The following EML4 variants were observed in gnomAD, a reference collection of about 807,000 sequenced individuals.
The protein encoded by EML4 is echinoderm microtubule-associated protein-like 4.
Under a neutral mutation model 129.0 loss-of-function variants are expected in EML4, and 72 were observed. The observed-to-expected ratio is 0.56, with a 90% CI of 0.46 to 0.68. EML4 has a LOEUF of 0.68. Ranked by LOEUF, EML4 falls within the 30% of genes least tolerant of loss-of-function variation. The pLI, the probability that EML4 is intolerant of heterozygous loss-of-function variation, is 0.00. For missense variants in EML4, 1,363 were observed against 1,190.6 expected, an observed-to-expected ratio of 1.14 and a Z score of -2.13; for synonymous variants, 532 against 405.0, an observed-to-expected ratio of 1.31 and a Z score of -3.77.
chr2:42,274,074 G>T (rs1428907385), intron 6 of EML4, among the ~76,000 whole-genome samples: 1 of 152,106 alleles, frequency 6.6e-6, no homozygotes, highest in Non-Finnish European at 1.5e-5. Context: ...TAGCATTTTG[G>T]TTGTCCTTTT....
chr2:42,215,305 A>G (rs1456416884), intron 1 of EML4, among the ~76,000 whole-genome samples: 2 of 152,172 alleles, frequency 1.3e-5, no homozygotes, highest in Non-Finnish European at 2.9e-5. Flanking sequence ...AGCCTGCCTC[A>G]GCCTCCCAAA....
intron 1 of EML4, among the ~76,000 whole-genome samples, chr2:42,226,630 C>T (rs980588659): frequency 6.6e-6 from 1 of 151,790 alleles, no homozygotes; most frequent in Admixed American, 6.6e-5. Flanking sequence ...GCACTCCAGC[C>T]TGGGCAACAG....
intron 2 of EML4, among the ~76,000 whole-genome samples, chr2:42,251,079 TA>T (rs1304477777): frequency 6.6e-6 from 1 of 152,142 alleles, no homozygotes; most frequent in Non-Finnish European, 1.5e-5. Flanking sequence ...TGGTTGTAAA[TA>T]CAGATGAAGC....
At chr2:42,271,412 AT>A (rs34583088) in intron 6 of EML4, among the ~76,000 whole-genome samples, 34,536 of 151,680 alleles carry the variant, frequency 0.23, 4,758 homozygotes, top group East Asian at 0.56. Context: ...TCTGTTGGAG[AT>A]TTTTTTTTAA....
In EML4 at chr2:42,298,098, C is replaced by A. The variant is rs58074013; in HGVS notation, c.1489+2582C>A. Among the ~76,000 whole-genome samples the A allele has an allele frequency of 6.9e-3, 1,051 of 152,244 alleles. 19 individuals are homozygous for A. The highest frequency in any genetic ancestry group is 0.023 in the African/African-American group (962 of 41,528). ...GTGGAAGTTGAGAGTATCTACAGAA[C>A]CATTAAAATGTTCACCATTCTTAAG... is the stretch of plus-strand genomic sequence containing the variant. On this transcript the variant is annotated intron_variant, in intron 13 of 22. Coordinates refer to ENST00000318522, the MANE Select transcript of EML4 (RefSeq NM_019063.5).
At chr2:42,262,331 C>T (rs1665782091) in intron 4 of EML4, among the ~76,000 whole-genome samples, 2 of 152,168 alleles carry the variant, frequency 1.3e-5, no homozygotes, top group Non-Finnish European at 2.9e-5. Flanking sequence ...TGTAGTTTAT[C>T]TGCCTGGTCT....
At chr2:42,240,579 A>G (rs1354528771) in intron 1 of EML4, among the ~76,000 whole-genome samples, 1 of 152,238 alleles carries the variant, frequency 6.6e-6, no homozygotes, top group East Asian at 1.9e-4. Flanking sequence ...TTATGCTCCT[A>G]CTCTGTTATT....
At chr2:42,198,022 G>A (rs1021556195) in intron 1 of EML4, among the ~76,000 whole-genome samples, 3 of 152,098 alleles carry the variant, frequency 2.0e-5, no homozygotes, top group African/African-American at 7.2e-5. Context: ...ATCTTTCTGT[G>A]TGCCCCATTT....
chr2:42,313,936 CAA>C (rs373565249), intron 17 of EML4, among the ~76,000 whole-genome samples: 4 of 114,846 alleles, frequency 3.5e-5, no homozygotes, highest in Admixed American at 1.9e-4. Context: ...GACTCCGTCT[CAA>C]AAAAAAAAAA....
At chr2:42,227,688 G>T (rs560966840) in intron 1 of EML4, among the ~76,000 whole-genome samples, 1 of 151,936 alleles carries the variant, frequency 6.6e-6, no homozygotes, top group East Asian at 1.9e-4. Flanking sequence ...GAACAACCCC[G>T]CCCCCTTCCT....
chr2:42,243,552 T>C (rs1324329866), intron 1 of EML4, among the ~76,000 whole-genome samples: 2 of 152,138 alleles, frequency 1.3e-5, no homozygotes, highest in Non-Finnish European at 2.9e-5. Context: ...GTGAAGAAAT[T>C]AATGCTCAAA....
intron 1 of EML4, among the ~76,000 whole-genome samples, chr2:42,195,229 A>C (rs2103926044): frequency 6.6e-6 from 1 of 152,272 alleles, no homozygotes; most frequent in East Asian, 1.9e-4. Context: ...GGTATATGAT[A>C]ACTTCATCAT....
At chr2:42,186,642 T>C (rs1671264593) in intron 1 of EML4, among the ~76,000 whole-genome samples, 1 of 152,216 alleles carries the variant, frequency 6.6e-6, no homozygotes, top group African/African-American at 2.4e-5. Context: ...ACTCTGCTCC[T>C]TTGGGGATTT....
At chr2:42,176,323 T>C (rs1221065223) in intron 1 of EML4, among the ~76,000 whole-genome samples, 1 of 152,190 alleles carries the variant, frequency 6.6e-6, no homozygotes, top group African/African-American at 2.4e-5. Context: ...TTGCATGGCG[T>C]CGAGAATCTC....
intron 1 of EML4, among the ~76,000 whole-genome samples, chr2:42,188,609 G>A (rs373739956): frequency 1.3e-5 from 2 of 151,976 alleles, no homozygotes; most frequent in East Asian, 1.9e-4. Flanking sequence ...GCAGTGGTGC[G>A]ATCTTGGCTC....
At chr2:42,210,159 A>G (rs943865952) in intron 1 of EML4, among the ~76,000 whole-genome samples, 1 of 152,146 alleles carries the variant, frequency 6.6e-6, no homozygotes, top group Non-Finnish European at 1.5e-5. Flanking sequence ...GTTTTTACCT[A>G]GTGCCTCTTT....
intron 6 of EML4, among the ~76,000 whole-genome samples, chr2:42,276,999 C>G (rs1666694257): frequency 6.6e-6 from 1 of 152,172 alleles, no homozygotes; most frequent in Non-Finnish European, 1.5e-5. Flanking sequence ...GGCTGCTTGA[C>G]ACTTGATACC....
At chr2:42,235,050 C>G (rs1385785171) in intron 1 of EML4, among the ~76,000 whole-genome samples, 1 of 152,044 alleles carries the variant, frequency 6.6e-6, no homozygotes. Flanking sequence ...AATCCCAGCA[C>G]TTTGGGAGGC....
At chr2:42,223,490 T>G (rs1673754032) in intron 1 of EML4, among the ~76,000 whole-genome samples, 1 of 152,168 alleles carries the variant, frequency 6.6e-6, no homozygotes, top group South Asian at 2.1e-4. Context: ...TATCTCTGTT[T>G]TGTTTGTTTT....
Sources: gnomAD v4.1 joint callset for allele counts (sites outside exome capture counted in the v4.1 genomes callset) on GRCh38, gnomAD v4.1.1 for gene constraint, MANE v1.5 for transcripts, NCBI Gene and HGNC (gene_info 2026-07-23, HGNC 2026-07-21) for gene names.